Variants in TIAM2 observed in about 807,000 individuals in gnomAD.
TIAM2 encodes the protein TIAM Rac1 associated GEF 2, also known as rho guanine nucleotide exchange factor TIAM2.
A neutral mutation model predicts 152.9 loss-of-function variants in TIAM2; 80 were observed. That is an observed-to-expected ratio of 0.52 (90% CI 0.44 to 0.63). The LOEUF is 0.63. TIAM2 is among the 30% of genes least tolerant of loss of function. TIAM2 has a pLI of 0.00. For synonymous variants in TIAM2, 804 were observed against 838.0 expected (o/e 0.96, Z 0.70); for missense variants, 1,965 against 2,120.1 (o/e 0.93, Z 1.44).
At chr6:155,075,468 C>T (rs1777934740) in intron 1 of TIAM2, among the ~76,000 whole-genome samples, 1 of 152,104 alleles carries the variant, frequency 6.6e-6, no homozygotes, top group East Asian at 1.9e-4. Context: ...CCCCTGATCC[C>T]ACTGGGGAGT....
chr6:155,164,654 T>TC (rs1757111140), intron 8 of TIAM2, 54 bp downstream of exon 8: 1 of 1,552,430 alleles, frequency 6.4e-7, no homozygotes, highest in Non-Finnish European at 8.7e-7. Context: ...CTGCGGATGC[T>TC]CCCCCTTTCT....
At chr6:155,170,218 C>A (rs1780550939) in intron 9 of TIAM2, among the ~76,000 whole-genome samples, 1 of 113,336 alleles carries the variant, frequency 8.8e-6, no homozygotes, top group Non-Finnish European at 2.0e-5. Context: ...TTTATATATG[C>A]CCTATTTCTA....
chr6:155,171,949 A>G (rs1242293727), intron 9 of TIAM2, among the ~76,000 whole-genome samples: 2 of 152,050 alleles, frequency 1.3e-5, no homozygotes, highest in Non-Finnish European at 2.9e-5. Flanking sequence ...TGACAGCCAG[A>G]TTGTGATTTT....
intron 16 of TIAM2, among the ~76,000 whole-genome samples, chr6:155,240,935 C>T (rs1342628444): frequency 6.6e-6 from 1 of 152,182 alleles, no homozygotes; most frequent in Non-Finnish European, 1.5e-5. Flanking sequence ...TATTTTGTTA[C>T]CAAGGTAGCT....
At chr6:155,208,551 C>T (rs563907295) in intron 14 of TIAM2, among the ~76,000 whole-genome samples, 1 of 152,256 alleles carries the variant, frequency 6.6e-6, no homozygotes, top group East Asian at 1.9e-4. Flanking sequence ...CTGCATGGCC[C>T]ACATGTGTCT....
intron 1 of TIAM2, among the ~76,000 whole-genome samples, chr6:154,997,408 A>T (rs1183775371): frequency 6.6e-6 from 1 of 152,020 alleles, no homozygotes; most frequent in Admixed American, 6.6e-5. Flanking sequence ...CCAACAGGCA[A>T]TTGGAGGCTG....
In TIAM2 at chr6:155,257,585, GAT is replaced by G. The variant is rs1334926655; in HGVS notation, c.*465_*466del. The G allele has an allele frequency of 8.7e-6, 4 of 460,400 alleles. No individual in the cohort carries two copies. Among genetic ancestry groups the G allele is most frequent in the Non-Finnish European group, 1.5e-5 (4 of 262,814 alleles). 28.5% of individuals were successfully genotyped at this position (460,400 alleles called of 1,614,324 possible). ...GCAGATACTTCATTTTTGTAAGATA[GAT>G]TGTAATAGATGCTGTTTATACTAAA... On this transcript the variant is annotated 3_prime_UTR_variant, in exon 27 of 27. Transcript: ENST00000682666.
At chr6:155,235,964 A>T (rs1453858445) in intron 15 of TIAM2, among the ~76,000 whole-genome samples, 1 of 152,158 alleles carries the variant, frequency 6.6e-6, no homozygotes, top group Non-Finnish European at 1.5e-5. Context: ...ATTTTATCAG[A>T]TCTTATTTTA....
chr6:155,151,385 A>G (rs1562333457), intron 7 of TIAM2, among the ~76,000 whole-genome samples: 1 of 152,218 alleles, frequency 6.6e-6, no homozygotes, highest in Non-Finnish European at 1.5e-5. Context: ...GCACTTACAA[A>G]CTAACTGTGA....
chr6:155,160,402 G>A (rs1187634082), intron 7 of TIAM2, among the ~76,000 whole-genome samples: 4 of 152,118 alleles, frequency 2.6e-5, no homozygotes, highest in African/African-American at 4.8e-5. Context: ...AAGGCAATCC[G>A]CATTACTCAG....
intron 9 of TIAM2, among the ~76,000 whole-genome samples, chr6:155,169,247 G>T (rs555074417): frequency 4.6e-4 from 70 of 152,096 alleles, no homozygotes; most frequent in Non-Finnish European, 8.5e-4. Context: ...CACCCACCTC[G>T]GCCTCCCAAA....
At chr6:155,160,708 C>T (rs1326635912) in intron 7 of TIAM2, among the ~76,000 whole-genome samples, 1 of 152,020 alleles carries the variant, frequency 6.6e-6, no homozygotes, top group Non-Finnish European at 1.5e-5. Context: ...TTGCAGTGAG[C>T]CAACAATGTA....
intron 1 of TIAM2, among the ~76,000 whole-genome samples, chr6:155,043,023 G>A (rs1242231403): frequency 1.3e-5 from 2 of 152,150 alleles, no homozygotes; most frequent in East Asian, 3.8e-4. Flanking sequence ...CTGTTTTCAA[G>A]TTCTTCATTT....
chr6:155,090,898 G>A (rs1264246942), intron 2 of TIAM2, among the ~76,000 whole-genome samples: 1 of 152,124 alleles, frequency 6.6e-6, no homozygotes, highest in African/African-American at 2.4e-5. Flanking sequence ...CATTCCGACT[G>A]AGGTGTTTTA....
chr6:155,083,771 A>C (rs566124201), intron 1 of TIAM2, among the ~76,000 whole-genome samples: 5 of 152,312 alleles, frequency 3.3e-5, no homozygotes, highest in African/African-American at 1.2e-4. Flanking sequence ...ACCAATGCTA[A>C]GTCAATTTCT....
chr6:155,153,307 T>C (rs982154213), intron 7 of TIAM2, among the ~76,000 whole-genome samples: 1 of 152,044 alleles, frequency 6.6e-6, no homozygotes, highest in Non-Finnish European at 1.5e-5. Flanking sequence ...ACAATTGGGA[T>C]TGATTTTAGA....
At chr6:155,023,086 CT>C (rs1242471990) in intron 1 of TIAM2, among the ~76,000 whole-genome samples, 1 of 112,644 alleles carries the variant, frequency 8.9e-6, no homozygotes, top group African/African-American at 3.7e-5. Context: ...TTTATTTCAT[CT>C]TTTTTCTTGG....
At chr6:155,031,914 A>G (rs890028394) in intron 1 of TIAM2, among the ~76,000 whole-genome samples, 1 of 152,158 alleles carries the variant, frequency 6.6e-6, no homozygotes, top group Non-Finnish European at 1.5e-5. Flanking sequence ...CACATTGTCT[A>G]TTTAATTTGA....
rs11381501 is a variant in TIAM2 at position 155,210,493 on chromosome 6, T to TG, written c.3065-711_3065-710insG. On this transcript the variant is annotated intron_variant, in intron 14 of 26. Coordinates refer to ENST00000682666, the MANE Select transcript of TIAM2 (RefSeq NM_012454.4). ...ACCACCATGCCTGATTGTGTGTGTGTTTTTTTTTTTCAATTTCTCGTAGAG... is the reference window on the plus strand; with the variant it reads ...ACCACCATGCCTGATTGTGTGTGTGTGTTTTTTTTTTCAATTTCTCGTAGAG... Among the ~76,000 whole-genome samples, 960 of 140,040 alleles carry TG rather than the reference T, an allele frequency of 6.9e-3. 13 individuals carry two copies. Among genetic ancestry groups the TG allele is most frequent in the African/African-American group, 0.027 (907 of 34,030 alleles). 91.9% of individuals were successfully genotyped at this position (140,040 alleles called of 152,430 possible).
Sources: gnomAD v4.1 joint callset for allele counts (sites outside exome capture counted in the v4.1 genomes callset) on GRCh38, gnomAD v4.1.1 for gene constraint, MANE v1.5 for transcripts, NCBI Gene and HGNC (gene_info 2026-07-23, HGNC 2026-07-21) for gene names.